Variants in KCNH3 observed in about 807,000 individuals in gnomAD.
KCNH3 encodes potassium voltage-gated channel subfamily H member 3.
KCNH3 carries 36 observed loss-of-function variants against 95.6 expected under a neutral mutation model. That is an observed-to-expected ratio of 0.38 (90% CI 0.29 to 0.50). The LOEUF (loss-of-function observed/expected upper bound fraction) is 0.50, where lower values mean the gene tolerates loss of function less well. Among genes scored for constraint, KCNH3 ranks in the 20% least tolerant of loss-of-function variants. The pLI is 0.95. For synonymous variants in KCNH3, 620 were observed against 646.3 expected (o/e 0.96, Z 0.62); for missense variants, 1,030 against 1,484.1 (o/e 0.69, Z 5.03).
intron 10 of KCNH3, among the ~76,000 whole-genome samples, chr12:49,550,876 G>T (rs890565030): frequency 6.6e-6 from 1 of 152,152 alleles, no homozygotes; most frequent in Non-Finnish European, 1.5e-5. Flanking sequence ...AGAAGGAGGT[G>T]AAAAAGGAAA....
chr12:49,544,704 G>A (rs533237534), intron 7 of KCNH3, among the ~76,000 whole-genome samples: 1 of 152,106 alleles, frequency 6.6e-6, no homozygotes, highest in East Asian at 1.9e-4. Context: ...GGGTTTCTCT[G>A]ACACCCGGCA....
chr12:49,543,642 G>T, intron 5 of KCNH3, 124 bp downstream of exon 5: 1 of 1,349,346 alleles, frequency 7.4e-7, no homozygotes. Context: ...TGTAACCTGT[G>T]AGCTTTGAAA....
chr12:49,545,523 G>A (rs1462717099), intron 7 of KCNH3, among the ~76,000 whole-genome samples: 1 of 151,426 alleles, frequency 6.6e-6, no homozygotes, highest in Non-Finnish European at 1.5e-5. Context: ...CTCCCAGGTA[G>A]CTGGGACTAC....
In KCNH3 at chr12:49,555,703, G is replaced by C; in HGVS notation, c.2220G>C (p.Thr740=). The C allele has an allele frequency of 6.2e-7, 1 of 1,610,906 alleles. No homozygotes were observed. Residue 740 remains threonine (T), a synonymous_variant, in exon 12 of 15, where the codon ACG becomes ACC. Transcript: ENST00000257981. The stretch of plus-strand genomic sequence containing the variant: ...AGACAGATGGGGAGCAGGGCCCCAC[G>C]GTCTCCCCAGCCCCAGCTGATGAGC... The part of the protein sequence containing the change: ...EKETDGEQGP[T]VSPAPADEPS...
intron 9 of KCNH3, 40 bp from the exon 10 acceptor site, chr12:49,550,040 C>CCCT: frequency 6.6e-7 from 1 of 1,523,108 alleles, no homozygotes; most frequent in Non-Finnish European, 8.9e-7. Flanking sequence ...CCTCTTCTGC[C>CCCT]ACTCCCAACC....
intron 7 of KCNH3, among the ~76,000 whole-genome samples, chr12:49,548,218 T>C (rs1304295831): frequency 6.6e-6 from 1 of 152,216 alleles, no homozygotes; most frequent in Non-Finnish European, 1.5e-5. Context: ...TGACAGTGTG[T>C]AGGTACCAGT....
At chr12:49,553,479 A>G (rs1021413440) in intron 10 of KCNH3, among the ~76,000 whole-genome samples, 3 of 152,054 alleles carry the variant, frequency 2.0e-5, no homozygotes, top group African/African-American at 7.2e-5. Flanking sequence ...AAGGAAGAAA[A>G]TGATTTCTTT....
intron 4 of KCNH3, 105 bp downstream of exon 4, chr12:49,542,944 G>A (rs1177395327): frequency 1.4e-6 from 2 of 1,408,154 alleles, no homozygotes; most frequent in East Asian, 2.4e-5. Context: ...GGCCACCCAG[G>A]CCTTGCCAGC....
intron 10 of KCNH3, among the ~76,000 whole-genome samples, chr12:49,552,748 T>C (rs1938305651): frequency 6.6e-6 from 1 of 152,190 alleles, no homozygotes; most frequent in Non-Finnish European, 1.5e-5. Context: ...TGTTTCTCAT[T>C]TTCTCCCACC....
In KCNH3 at chr12:49,554,425, C is replaced by T; in HGVS notation, c.2007C>T (p.Val669=). 1 of 1,613,282 alleles carries T rather than the reference C, an allele frequency of 6.2e-7. No homozygotes were observed. The highest frequency in any genetic ancestry group is 8.5e-7 in the Non-Finnish European group (1 of 1,180,022). ...NADVKGLTYC[V]LQCLQLAGLH... The stretch of plus-strand genomic sequence containing the variant: ...ACGTGAAGGGGCTGACGTACTGCGT[C>T]CTGCAGTGTCTGCAGCTGGCTGGCC... Residue 669 remains valine (V), a synonymous_variant, in exon 11 of 15, where the codon GTC becomes GTT. Coordinates refer to ENST00000257981, the MANE Select transcript of KCNH3 (RefSeq NM_012284.3).
At chr12:49,549,981 CT>C in intron 9 of KCNH3, 98 bp from the exon 10 acceptor site, 1 of 1,315,722 alleles carries the variant, frequency 7.6e-7, no homozygotes, top group African/African-American at 1.5e-5. Flanking sequence ...CATGCCTCCC[CT>C]GTTCCTGAGG....
Position 49,544,387 on chromosome 12 carries a change from T to A in KCNH3, c.1189+5T>A, listed in dbSNP as rs1440144452. 1 of 1,612,386 alleles carries A rather than the reference T, an allele frequency of 6.2e-7. No individual in the cohort carries two copies. The highest frequency in any genetic ancestry group is 1.1e-5 in the South Asian group (1 of 91,046). ...AATCCGAGCTGCCTGAGATTGGTAC[T>A]GGAGGCTCCCTCTGCATGTGGTGGG... On this transcript the variant is annotated splice_donor_5th_base_variant and intron_variant, in intron 7 of 14. Coordinates refer to ENST00000257981, the MANE Select transcript of KCNH3 (RefSeq NM_012284.3).
At chr12:49,549,313 G>GA (rs1411517580) in intron 8 of KCNH3, 128 bp from the exon 9 acceptor site, 4 of 1,455,740 alleles carry the variant, frequency 2.7e-6, no homozygotes, top group Non-Finnish European at 3.7e-6. Context: ...GGGGGTGGGG[G>GA]AGACTTCGCC....
Position 49,543,475 on chromosome 12 carries a change from G to A in KCNH3, c.780G>A (p.Pro260=), listed in dbSNP as rs765637139. 8.1e-6 allele frequency: 13 copies of A among 1,600,862 alleles called. No homozygotes were observed. The highest frequency in any genetic ancestry group is 3.3e-5 in the South Asian group (3 of 91,068). ...GGGAGCCCAGTGCCGCCCGCGGCCC[G>A]CCCAGCGTCTGTGACCTGGCCGTGG... ...TAREPSAARG[P]PSVCDLAVEV... is the part of the protein sequence containing the mutation. The change falls in exon 5 of 15, where the codon CCG becomes CCA. Residue 260 remains proline (P), a synonymous_variant. Coordinates refer to ENST00000257981, the MANE Select transcript of KCNH3 (RefSeq NM_012284.3).
At chr12:49,549,201 G>A in intron 8 of KCNH3, 28 bp downstream of exon 8, 4 of 1,559,876 alleles carry the variant, frequency 2.6e-6, no homozygotes, top group Non-Finnish European at 3.5e-6. Flanking sequence ...CGTCTTCCCG[G>A]GGCCACTCCC....
intron 7 of KCNH3, among the ~76,000 whole-genome samples, chr12:49,544,671 A>G (rs1213406829): frequency 6.6e-6 from 1 of 152,040 alleles, no homozygotes; most frequent in Non-Finnish European, 1.5e-5. Flanking sequence ...TGGGAAGGCC[A>G]AGCAGGGAGC....
chr12:49,549,009 C>A lies in KCNH3; in HGVS notation c.1304C>A (p.Ala435Asp), dbSNP rs776264448. ...GACAACTGCAGCAGCAGCAGCGAGG[C>A]CAACGGGACGGGGCTGGAGCTGCTG... The part of the protein sequence containing the change: ...QSDNCSSSSE[A>D]NGTGLELLGG... Residue 435 changes from alanine (A) to aspartate (D), a missense_variant, in exon 8 of 15, where the codon GCC (alanine) becomes GAC (aspartate). By Grantham distance (126) the Ala-to-Asp change is moderately radical. This residue lies in a region of KCNH3 where 50 missense variants were observed against 41.0 expected (regional missense o/e 1.22). Transcript: ENST00000257981. 4 of 1,611,560 alleles carry A rather than the reference C, an allele frequency of 2.5e-6. No homozygotes were observed. Among genetic ancestry groups the A allele is most frequent in the Non-Finnish European group, 3.4e-6 (4 of 1,179,412 alleles).
intron 7 of KCNH3, among the ~76,000 whole-genome samples, chr12:49,545,802 C>T (rs180896641): frequency 6.6e-6 from 1 of 152,188 alleles, no homozygotes; most frequent in African/African-American, 2.4e-5. Flanking sequence ...TGTGAATCCT[C>T]TCTCCCTCTG....
intron 3 of KCNH3, among the ~76,000 whole-genome samples, 163 bp downstream of exon 3, chr12:49,541,927 G>A (rs1049448160): frequency 6.6e-6 from 1 of 152,132 alleles, no homozygotes; most frequent in African/African-American, 2.4e-5. Context: ...CACATTCCTC[G>A]GTATGGGAAT....
Sources: allele counts gnomAD v4.1 joint callset (sites outside exome capture counted in the v4.1 genomes callset), GRCh38; gene constraint gnomAD v4.1.1; regional missense constraint gnomAD v4.1.1; transcripts MANE v1.5; gene names NCBI Gene and HGNC (gene_info 2026-07-23, HGNC 2026-07-21).